Variants in FRMD5 observed in about 807,000 individuals in gnomAD.
FRMD5 encodes the protein FERM domain-containing protein 5.
FRMD5 carries 20 observed loss-of-function variants against 69.0 expected under a neutral mutation model. The observed-to-expected ratio is 0.29, with a 90% CI of 0.20 to 0.42. The LOEUF is 0.42. FRMD5 is among the 10% of genes least tolerant of loss of function. The pLI is 1.00. For missense variants in FRMD5, 595 were observed against 708.6 expected (o/e 0.84, Z 1.82); for synonymous variants, 271 against 260.1 (o/e 1.04, Z -0.40).
intron 1 of FRMD5, among the ~76,000 whole-genome samples, chr15:44,149,859 C>G (rs2077415366): frequency 6.6e-6 from 1 of 152,098 alleles, no homozygotes; most frequent in South Asian, 2.1e-4. Context: ...AATTACAGAA[C>G]AATACCCCAT....
At chr15:44,067,820 T>A (rs1157516386) in intron 1 of FRMD5, among the ~76,000 whole-genome samples, 4 of 152,126 alleles carry the variant, frequency 2.6e-5, no homozygotes, top group African/African-American at 9.7e-5. Context: ...GAGAAAATAT[T>A]TGCAAATTTG....
intron 1 of FRMD5, among the ~76,000 whole-genome samples, chr15:44,180,335 G>A (rs1225491359): frequency 6.6e-6 from 1 of 152,050 alleles, no homozygotes; most frequent in East Asian, 1.9e-4. Flanking sequence ...ACAAATTAAA[G>A]ATATGTAATA....
At chr15:44,054,939 A>T (rs1039384215) in intron 1 of FRMD5, among the ~76,000 whole-genome samples, 2 of 151,960 alleles carry the variant, frequency 1.3e-5, no homozygotes, top group Non-Finnish European at 2.9e-5. Flanking sequence ...GCGTGGTGGC[A>T]TGCGCCTGTA....
At chr15:43,984,497 T>C (rs1004031841) in intron 1 of FRMD5, among the ~76,000 whole-genome samples, 1 of 152,182 alleles carries the variant, frequency 6.6e-6, no homozygotes, top group Non-Finnish European at 1.5e-5. Flanking sequence ...CAGGCCTCCA[T>C]AGCTCCTACT....
chr15:44,067,495 T>C (rs1228502254), intron 1 of FRMD5, among the ~76,000 whole-genome samples: 2 of 152,138 alleles, frequency 1.3e-5, no homozygotes, highest in Non-Finnish European at 2.9e-5. Context: ...TTGCTTACAG[T>C]TCTGGAAGCT....
chr15:43,874,072 A>G lies in FRMD5; in HGVS notation c.1526T>C (p.Met509Thr). ...GAGGAGCAAAACAAAGAGGAGTCCC[A>G]TGGTCACAAGGAGCAAACGGAGGAC... ...LSVLRLLLVT[M>T]GLLFVLLLLL... Residue 509 changes from methionine (M) to threonine (T), a missense_variant, in exon 14 of 14, where the codon ATG becomes ACG. By Grantham distance (81) the Met-to-Thr change is moderately conservative (BLOSUM62 -1). Transcript: ENST00000417257. The G allele has an allele frequency of 6.2e-7, 1 of 1,614,240 alleles. No individual in the cohort carries two copies.
chr15:44,018,628 C>T (rs543207267), intron 1 of FRMD5, among the ~76,000 whole-genome samples: 1 of 152,314 alleles, frequency 6.6e-6, no homozygotes, highest in East Asian at 1.9e-4. Flanking sequence ...GAATTCTAGT[C>T]TGACTCAAGG....
At chr15:43,903,719 G>C (rs1026946190) in intron 6 of FRMD5, among the ~76,000 whole-genome samples, 1 of 152,188 alleles carries the variant, frequency 6.6e-6, no homozygotes, top group African/African-American at 2.4e-5. Flanking sequence ...TCTGCAGGGG[G>C]AGTGGGCCCT....
chr15:44,050,028 C>A (rs925881664), intron 1 of FRMD5, among the ~76,000 whole-genome samples: 1 of 152,068 alleles, frequency 6.6e-6, no homozygotes, highest in Non-Finnish European at 1.5e-5. Flanking sequence ...CCTAGATCAC[C>A]CTGTATATGA....
At chr15:44,167,213 T>G (rs2077724585) in intron 1 of FRMD5, among the ~76,000 whole-genome samples, 1 of 151,914 alleles carries the variant, frequency 6.6e-6, no homozygotes, top group Non-Finnish European at 1.5e-5. Context: ...CAAAAAAAAT[T>G]TAAAATTAGC....
intron 1 of FRMD5, among the ~76,000 whole-genome samples, chr15:44,100,571 T>C (rs1156426401): frequency 6.6e-6 from 1 of 152,182 alleles, no homozygotes; most frequent in Non-Finnish European, 1.5e-5. Flanking sequence ...GCTGCTCCTC[T>C]GAACTAAAAA....
chr15:44,073,924 T>C (rs1893646820), intron 1 of FRMD5, among the ~76,000 whole-genome samples: 1 of 152,220 alleles, frequency 6.6e-6, no homozygotes, highest in African/African-American at 2.4e-5. Context: ...ACAGTATTTG[T>C]TAAATGGGAT....
At chr15:44,174,904 G>A (rs900177425) in intron 1 of FRMD5, among the ~76,000 whole-genome samples, 2 of 152,030 alleles carry the variant, frequency 1.3e-5, no homozygotes, top group African/African-American at 4.8e-5. Flanking sequence ...GGGCCTGTTG[G>A]GGGGTTGGGA....
intron 1 of FRMD5, among the ~76,000 whole-genome samples, chr15:44,170,320 C>G (rs572619646): frequency 8.5e-5 from 13 of 152,058 alleles, no homozygotes; most frequent in Non-Finnish European, 1.8e-4. Flanking sequence ...GTCGGCAGTT[C>G]GAGACCAGCC....
At chr15:44,010,066 G>C (rs1464256092) in intron 1 of FRMD5, among the ~76,000 whole-genome samples, 1 of 152,146 alleles carries the variant, frequency 6.6e-6, no homozygotes, top group African/African-American at 2.4e-5. Context: ...CATTATGCTG[G>C]CCATAAAGAA....
intron 1 of FRMD5, among the ~76,000 whole-genome samples, chr15:44,181,188 T>C (rs1189159891): frequency 6.6e-6 from 1 of 152,044 alleles, no homozygotes; most frequent in Non-Finnish European, 1.5e-5. Flanking sequence ...TACAGCAGCA[T>C]GCCACCACAC....
intron 1 of FRMD5, among the ~76,000 whole-genome samples, chr15:44,154,869 T>A (rs1367561453): frequency 6.6e-6 from 1 of 152,162 alleles, no homozygotes; most frequent in Non-Finnish European, 1.5e-5. Context: ...GATGTACAAC[T>A]CTGAATACCT....
chr15:43,953,585 G>T (rs997964206), intron 1 of FRMD5, among the ~76,000 whole-genome samples: 1 of 152,198 alleles, frequency 6.6e-6, no homozygotes, highest in South Asian at 2.1e-4. Flanking sequence ...CCTTGTTGCA[G>T]AACTAGGAGA....
intron 1 of FRMD5, among the ~76,000 whole-genome samples, chr15:44,106,631 A>G (rs895061300): frequency 6.6e-6 from 1 of 152,166 alleles, no homozygotes; most frequent in Non-Finnish European, 1.5e-5. Flanking sequence ...ATCACCAGTA[A>G]CATAATCACA....
Sources: gnomAD v4.1 joint callset for allele counts (sites outside exome capture counted in the v4.1 genomes callset) on GRCh38, gnomAD v4.1.1 for gene constraint, MANE v1.5 for transcripts, NCBI Gene and HGNC (gene_info 2026-07-23, HGNC 2026-07-21) for gene names.